The following SERP2 variants were observed in gnomAD, a reference collection of about 807,000 sequenced individuals.
The protein encoded by SERP2 is stress-associated endoplasmic reticulum protein 2.
In SERP2, 6 loss-of-function variants were observed where a neutral mutation model predicts 9.1. The observed-to-expected ratio is 0.66, with a 90% CI of 0.36 to 1.30. SERP2 has a LOEUF of 1.30. Ranked by LOEUF, SERP2 falls within the 50% of genes most tolerant of loss-of-function variation. The probability of loss-of-function intolerance (pLI) is 0.03; values close to 1 mark genes in which losing one functional copy is unlikely to be tolerated. For synonymous variants in SERP2, 37 were observed against 27.3 expected (o/e 1.35, Z -1.10); for missense variants, 58 against 81.9 (o/e 0.71, Z 1.13).
At position 44,397,455 on chromosome 13, in the gene SERP2, T is replaced by G; in HGVS notation, c.*143T>G. 1.5e-6 allele frequency: 1 copy of G among 670,952 alleles called. No individual in the cohort carries two copies. Among genetic ancestry groups the G allele is most frequent in the Non-Finnish European group, 2.6e-6 (1 of 379,780 alleles). 41.6% of individuals were successfully genotyped at this position (670,952 alleles called of 1,614,324 possible). On this transcript the variant is annotated 3_prime_UTR_variant, in exon 3 of 3. Coordinates refer to ENST00000379179, the MANE Select transcript of SERP2 (RefSeq NM_001010897.3). ...CACTTGTTCCCTGATCACTTCATCG[T>G]GGATGTCAGACCAAATTGCCTTCTC...
At chr13:44,380,696 T>C (rs1284094724) in intron 2 of SERP2, among the ~76,000 whole-genome samples, 2 of 152,224 alleles carry the variant, frequency 1.3e-5, no homozygotes, top group Non-Finnish European at 1.5e-5. Context: ...TGATTTGGCA[T>C]TCCAAGATGA....
chr13:44,397,027 T>C (rs1199707789), intron 2 of SERP2, among the ~76,000 whole-genome samples: 1 of 152,240 alleles, frequency 6.6e-6, no homozygotes, highest in African/African-American at 2.4e-5. Context: ...TGGCCTTAAC[T>C]GCTGGTGGAA....
chr13:44,374,178 G>C lies in SERP2; in HGVS notation c.84+69G>C, dbSNP rs1871492001. 6.9e-6 allele frequency: 6 copies of C among 872,234 alleles called. 1 individual carries two copies. Among genetic ancestry groups the C allele is most frequent in the Non-Finnish European group, 3.2e-6 (2 of 626,140 alleles). 54.0% of individuals were successfully genotyped at this position (872,234 alleles called of 1,614,324 possible). On this transcript the variant is annotated intron_variant, in intron 1 of 2. Coordinates refer to ENST00000379179, the MANE Select transcript of SERP2 (RefSeq NM_001010897.3). ...GCGGGGTGGGGCGGAAGGTGGGGGCGGGGCCGGGCGGGTAGCGGCGCAGGG... is the reference window on the plus strand; with the variant it reads ...GCGGGGTGGGGCGGAAGGTGGGGGCCGGGCCGGGCGGGTAGCGGCGCAGGG...
chr13:44,376,473 C>T (rs960716689), intron 1 of SERP2, among the ~76,000 whole-genome samples: 1 of 152,148 alleles, frequency 6.6e-6, no homozygotes, highest in Non-Finnish European at 1.5e-5. Context: ...AGATAGCAGA[C>T]TAATCCAAGA....
At chr13:44,394,353 G>T (rs969444786) in intron 2 of SERP2, among the ~76,000 whole-genome samples, 2 of 152,146 alleles carry the variant, frequency 1.3e-5, no homozygotes, top group Admixed American at 6.5e-5. Context: ...TCAATCTCTT[G>T]ACCTCATGAT....
chr13:44,392,005 G>A (rs1173537487), intron 2 of SERP2, among the ~76,000 whole-genome samples: 1 of 151,456 alleles, frequency 6.6e-6, no homozygotes, highest in Admixed American at 6.6e-5. Flanking sequence ...CACCATCCTG[G>A]CCAACATAGT....
chr13:44,383,793 C>T (rs138826422), intron 2 of SERP2, among the ~76,000 whole-genome samples: 5 of 151,680 alleles, frequency 3.3e-5, no homozygotes, highest in South Asian at 2.1e-4. Flanking sequence ...CCTCATGATC[C>T]GCCCACCTTG....
chr13:44,374,205 C>A (rs1175694821), intron 1 of SERP2, 96 bp downstream of exon 1: 1 of 803,842 alleles, frequency 1.2e-6, no homozygotes, highest in East Asian at 3.5e-5. Context: ...GGCGCAGGGT[C>A]CGGCCTCCCG....
Position 44,376,667 on chromosome 13 carries a change from C to G in SERP2, c.84+2558C>G, listed in dbSNP as rs368187169. ...GTGGGCGCCTGTAATCCCAGCTACT[C>G]AGGAGGCTGAGGCATGAGAATGGCT... On this transcript the variant is annotated intron_variant, in intron 1 of 2. Coordinates refer to ENST00000379179, the MANE Select transcript of SERP2 (RefSeq NM_001010897.3). 1.1e-4 allele frequency among the ~76,000 whole-genome samples: 16 copies of G among 151,980 alleles called. 1 individual carries two copies. Among genetic ancestry groups the G allele is most frequent in the African/African-American group, 3.6e-4 (15 of 41,432 alleles).
chr13:44,381,714 C>G (rs1871991820), intron 2 of SERP2, among the ~76,000 whole-genome samples: 1 of 152,218 alleles, frequency 6.6e-6, no homozygotes, highest in Non-Finnish European at 1.5e-5. Flanking sequence ...TGACTCACGT[C>G]TAGCTGATGG....
chr13:44,378,227 A>G (rs1249825793), intron 1 of SERP2, among the ~76,000 whole-genome samples: 1 of 152,244 alleles, frequency 6.6e-6, no homozygotes, highest in African/African-American at 2.4e-5. Flanking sequence ...CAGTTTTAAT[A>G]TATGATAAAT....
At chr13:44,384,671 G>T (rs979613239) in intron 2 of SERP2, among the ~76,000 whole-genome samples, 1 of 152,100 alleles carries the variant, frequency 6.6e-6, no homozygotes, top group Non-Finnish European at 1.5e-5. Flanking sequence ...GCTCTCCTTT[G>T]AACAAGATAC....
At position 44,378,063 on chromosome 13, in the gene SERP2, G is replaced by A. The variant is rs569093501; in HGVS notation, c.85-1578G>A. Among the ~76,000 whole-genome samples, 6 of 152,328 alleles carry A rather than the reference G, an allele frequency of 3.9e-5. No individual in the cohort carries two copies. In the East Asian group the frequency reaches 1.2e-3, roughly 29 times the overall value. On this transcript the variant is annotated intron_variant, in intron 1 of 2. Transcript: ENST00000379179. Reference sequence around the variant, plus strand: ...CAAGTGACGAGTGGACCCAAGTGAGGTAAAAGAGAAGGGCTCTTTGGTAAG... The same window carrying A: ...CAAGTGACGAGTGGACCCAAGTGAGATAAAAGAGAAGGGCTCTTTGGTAAG...
At chr13:44,394,075 T>G (rs1406285255) in intron 2 of SERP2, among the ~76,000 whole-genome samples, 1 of 152,220 alleles carries the variant, frequency 6.6e-6, no homozygotes, top group African/African-American at 2.4e-5. Context: ...GGTAAGTTGT[T>G]TTAATATCAG....
At chr13:44,386,947 C>T (rs953538140) in intron 2 of SERP2, among the ~76,000 whole-genome samples, 2 of 152,156 alleles carry the variant, frequency 1.3e-5, no homozygotes, top group Non-Finnish European at 2.9e-5. Context: ...CCTTTTAATA[C>T]AAGTATTATC....
Position 44,373,872 on chromosome 13 carries a change from C to A in SERP2, c.-154C>A. The A allele has an allele frequency of 1.7e-6, 1 of 590,128 alleles. No individual in the cohort carries two copies. The highest frequency in any genetic ancestry group is 2.9e-6 in the Non-Finnish European group (1 of 347,006). 36.6% of individuals were successfully genotyped at this position (590,128 alleles called of 1,614,324 possible). On this transcript the variant is annotated 5_prime_UTR_variant, in exon 1 of 3. Coordinates refer to ENST00000379179, the MANE Select transcript of SERP2 (RefSeq NM_001010897.3). This position sits in a 1 kb window ranked among gnomAD's most constrained non-coding sequence, Gnocchi z 4.8. ...TCTCTGGAGTCGGCTAGCCGGGGCT[C>A]GGGGAGCGGGGTGCGCAGGGCTCGG...
intron 2 of SERP2, among the ~76,000 whole-genome samples, chr13:44,390,129 A>AC (rs1872547724): frequency 6.6e-6 from 1 of 152,264 alleles, no homozygotes; most frequent in Non-Finnish European, 1.5e-5. Flanking sequence ...GGCCTTTAGC[A>AC]TATGACTGTG....
chr13:44,388,264 A>G lies in SERP2; in HGVS notation c.157+8551A>G, dbSNP rs1872434158. Among the ~76,000 whole-genome samples, 4 of 92,694 alleles carry G rather than the reference A, an allele frequency of 4.3e-5. No homozygotes were observed. In the Admixed American group the frequency reaches 4.9e-4, roughly 11 times the overall value. 60.8% of individuals were successfully genotyped at this position (92,694 alleles called of 152,430 possible). ...TTTGCATTTGTGTGTGTGTGTTTGT[A>G]TATGTGGGTTTTTTTGTGTGTGTGT... On this transcript the variant is annotated intron_variant, in intron 2 of 2. Transcript: ENST00000379179.
intron 1 of SERP2, among the ~76,000 whole-genome samples, chr13:44,378,366 G>GT (rs1176810139): frequency 6.6e-6 from 1 of 151,780 alleles, no homozygotes; most frequent in African/African-American, 2.4e-5. Flanking sequence ...AGCACCACTC[G>GT]TTTTTTTTGA....
Sources: gnomAD v4.1 joint callset for allele counts (sites outside exome capture counted in the v4.1 genomes callset) on GRCh38, gnomAD v4.1.1 for gene constraint, Gnocchi (gnomAD v3.1) non-coding constraint, MANE v1.5 for transcripts, NCBI Gene and HGNC (gene_info 2026-07-23, HGNC 2026-07-21) for gene names.